HERC1: variants seen among roughly 807,000 people sequenced by gnomAD.
HERC1 encodes probable E3 ubiquitin-protein ligase HERC1.
In HERC1, 160 loss-of-function variants were observed where a neutral mutation model predicts 554.3. That is an observed-to-expected ratio of 0.29 (90% CI 0.25 to 0.33). HERC1 has a LOEUF of 0.33. Ranked by LOEUF, HERC1 falls within the 10% of genes least tolerant of loss-of-function variation. The pLI is 1.00. For synonymous variants in HERC1, 2,175 were observed against 2,131.7 expected, an observed-to-expected ratio of 1.02 and a Z score of -0.56; for missense variants, 4,919 against 5,918.5, an observed-to-expected ratio of 0.83 and a Z score of 5.54.
At position 63,624,259 on chromosome 15, in the gene HERC1, G is replaced by C. The variant is rs759720013; in HGVS notation, c.13344C>G (p.Ala4448=). Residue 4448 remains alanine, a synonymous_variant, in exon 72 of 78, where the codon GCC becomes GCG. Coordinates refer to ENST00000443617, the MANE Select transcript of HERC1 (RefSeq NM_003922.4). ...CCATTGGCAGAGTGTAGACTCTTGG[G>C]GCTAACAAAGGCCGAAGTTGTCCCT... The part of the protein sequence containing the change: ...IVQGQLRPLL[A]PRVYTLPMVR... 1 of 1,613,708 alleles carries C rather than the reference G, an allele frequency of 6.2e-7. No homozygotes were observed. Among genetic ancestry groups the C allele is most frequent in the Non-Finnish European group, 8.5e-7 (1 of 1,179,778 alleles).
chr15:63,708,299 C>G (rs1448662340), intron 24 of HERC1, among the ~76,000 whole-genome samples: 4 of 152,096 alleles, frequency 2.6e-5, no homozygotes, highest in African/African-American at 7.2e-5. Context: ...CTTTTAGACA[C>G]TGTGAATTAT....
Position 63,640,289 on chromosome 15 carries a change from T to C in HERC1, c.11764A>G (p.Asn3922Asp). 3.7e-6 allele frequency: 6 copies of C among 1,613,914 alleles called. No individual in the cohort carries two copies. Among genetic ancestry groups the C allele is most frequent in the Non-Finnish European group, 5.1e-6 (6 of 1,179,840 alleles). Reference protein sequence around the residue: ...CLPDPASWNPNEWAWLECFST... With the variant: ...CLPDPASWNPDEWAWLECFST... ...AAACATTCTAACCAGGCCCATTCAT[T>C]TGGATTCCAGGATGCAGGGTCAGGG... The change falls in exon 61 of 78, where the codon AAT becomes GAT. Residue 3922 changes from asparagine to aspartate, a missense_variant. Around this residue, in one of 11 missense-constraint regions of HERC1, gnomAD observed 1,963 missense variants for 2,228.6 expected, o/e 0.88. Transcript: ENST00000443617.
intron 12 of HERC1, among the ~76,000 whole-genome samples, chr15:63,737,546 TA>T (rs2074597763): frequency 1.7e-5 from 2 of 120,108 alleles, no homozygotes; most frequent in Admixed American, 1.7e-4. Context: ...TATATATATA[TA>T]TCTTTTTTTT....
chr15:63,788,709 G>A (rs1246765650), intron 1 of HERC1, among the ~76,000 whole-genome samples: 1 of 151,812 alleles, frequency 6.6e-6, no homozygotes, highest in Non-Finnish European at 1.5e-5. Context: ...CTGAGGTCAG[G>A]AGTTCGAGAC....
At chr15:63,737,835 G>T (rs2074615280) in intron 12 of HERC1, among the ~76,000 whole-genome samples, 2 of 152,038 alleles carry the variant, frequency 1.3e-5, no homozygotes, top group South Asian at 4.1e-4. Context: ...GAAGCACACT[G>T]ATTTTCTAAG....
chr15:63,654,997 C>G (rs984889945), intron 50 of HERC1, among the ~76,000 whole-genome samples: 1 of 152,134 alleles, frequency 6.6e-6, no homozygotes, highest in African/African-American at 2.4e-5. Context: ...AACAGTTTGG[C>G]TTTTGTTGCT....
intron 40 of HERC1, among the ~76,000 whole-genome samples, chr15:63,667,402 C>T (rs1404336567): frequency 1.3e-5 from 2 of 151,650 alleles, no homozygotes; most frequent in African/African-American, 2.4e-5. Flanking sequence ...GTGAAATAAA[C>T]ACGGAAGATG....
At chr15:63,652,276 C>G (rs1258059107) in intron 52 of HERC1, 138 bp downstream of exon 52, 2 of 576,652 alleles carry the variant, frequency 3.5e-6, no homozygotes, top group East Asian at 3.4e-5. Flanking sequence ...AAAATACACA[C>G]TGAAAATACA....
intron 55 of HERC1, among the ~76,000 whole-genome samples, chr15:63,647,402 G>C (rs1566970077): frequency 6.6e-6 from 1 of 151,944 alleles, no homozygotes; most frequent in Non-Finnish European, 1.5e-5. Context: ...CTGTTGGTTT[G>C]AATGTAAATT....
At position 63,718,125 on chromosome 15, in the gene HERC1, A is replaced by AC. The variant is rs1250060159; in HGVS notation, c.3978+448dup. Among the ~76,000 whole-genome samples, 6 of 57,042 alleles carry AC rather than the reference A, an allele frequency of 1.1e-4. No individual in the cohort carries two copies. The highest frequency in any genetic ancestry group is 6.9e-4 in the East Asian group (2 of 2,902). 37.4% of individuals were successfully genotyped at this position (57,042 alleles called of 152,430 possible). ...ACACACACACACACACACACACACA[A>AC]CCCCCTCCTTGGTTTTCACTTCTCT... On this transcript the variant is annotated intron_variant, in intron 21 of 77. Coordinates refer to ENST00000443617, the MANE Select transcript of HERC1 (RefSeq NM_003922.4). The surrounding 1 kb of genome is among the most constrained non-coding windows in gnomAD (Gnocchi z 4.2).
At chr15:63,753,595 T>G (rs1013870815) in intron 7 of HERC1, among the ~76,000 whole-genome samples, 1 of 152,042 alleles carries the variant, frequency 6.6e-6, no homozygotes, top group Non-Finnish European at 1.5e-5. Context: ...TAAAAAAAAG[T>G]ATAAATTAAA....
At chr15:63,698,067 T>C (rs1385065501) in intron 26 of HERC1, among the ~76,000 whole-genome samples, 1 of 152,144 alleles carries the variant, frequency 6.6e-6, no homozygotes, top group Non-Finnish European at 1.5e-5. Context: ...ATTATTTCTG[T>C]GAGGTTCTAA....
chr15:63,640,876 C>T (rs1383662876), intron 60 of HERC1, among the ~76,000 whole-genome samples: 1 of 152,184 alleles, frequency 6.6e-6, no homozygotes, highest in African/African-American at 2.4e-5. Context: ...CAGAGATCTG[C>T]TCTTCTCACT....
At chr15:63,772,906 T>TG (rs2075994749) in intron 2 of HERC1, among the ~76,000 whole-genome samples, 1 of 152,202 alleles carries the variant, frequency 6.6e-6, no homozygotes, top group Admixed American at 6.5e-5. Flanking sequence ...TTGTAAAACA[T>TG]GACCCAATAT....
rs748235245 is a variant in HERC1, at chr15:63,654,081, A to G, written c.10290+38T>C. ...AAGAGAAGAGACTATTTCATCTTAC[A>G]TAACGTGATTAACACACTTTCCACT... is the stretch of plus-strand genomic sequence containing the variant. On this transcript the variant is annotated intron_variant, in intron 51 of 77. Transcript: ENST00000443617. 6.7e-6 allele frequency: 10 copies of G among 1,499,132 alleles called. No individual in the cohort carries two copies. In the South Asian group the frequency reaches 9.0e-5, roughly 14 times the overall value. 92.9% of individuals were successfully genotyped at this position (1,499,132 alleles called of 1,614,324 possible). A position where few individuals can be genotyped will look rare whatever the true frequency, so the allele number is the denominator to read the frequency against.
intron 26 of HERC1, among the ~76,000 whole-genome samples, chr15:63,697,601 TC>T (rs2072496483): frequency 6.6e-6 from 1 of 151,938 alleles, no homozygotes; most frequent in African/African-American, 2.4e-5. Context: ...ATTACAGGCA[TC>T]CACCACCACG....
chr15:63,664,130 C>T (rs955971892), intron 43 of HERC1, among the ~76,000 whole-genome samples: 20 of 152,178 alleles, frequency 1.3e-4, no homozygotes, highest in African/African-American at 4.6e-4. Context: ...TTTCCAGCTC[C>T]TTCTTACCAC....
chr15:63,754,564 T>A lies in HERC1; in HGVS notation c.1715A>T (p.His572Leu), dbSNP rs552208139. ...CCCATCTTTAGACAGAGCAATAGTA[T>A]GTGAACTGCCACAAGAAACCTCTCC... is the stretch of plus-strand genomic sequence containing the variant. ...NVGEVSCGSS[H>L]TIALSKDGRT... is the part of the protein sequence containing the mutation. Residue 572 changes from histidine to leucine, a missense_variant, in exon 7 of 78, where the codon CAT (histidine) becomes CTT (leucine). His to Leu is a moderately conservative substitution (Grantham distance 99, BLOSUM62 -3). Around this residue, in one of 11 missense-constraint regions of HERC1, gnomAD observed 744 missense variants for 1,090.0 expected, o/e 0.68. Coordinates refer to ENST00000443617, the MANE Select transcript of HERC1 (RefSeq NM_003922.4). 1.9e-5 allele frequency: 31 copies of A among 1,613,546 alleles called. No individual in the cohort carries two copies. Among genetic ancestry groups the A allele is most frequent in the Non-Finnish European group, 2.5e-5 (30 of 1,179,650 alleles).
chr15:63,630,514 CA>C lies in HERC1; in HGVS notation c.12917del (p.Leu4306TrpfsTer20). On this transcript the variant is annotated frameshift_variant, in exon 69 of 78. Coordinates refer to ENST00000443617, the MANE Select transcript of HERC1 (RefSeq NM_003922.4). LOFTEE classifies it high-confidence loss of function. Reference sequence around the variant, plus strand: ...AGGCATACACATCTCCATTTGATGCCAAAGCAAGTGTGTGTTCAGCTCCAAC... The same window carrying C: ...AGGCATACACATCTCCATTTGATGCCAAGCAAGTGTGTGTTCAGCTCCAAC... The part of the protein sequence containing the change: ...VAVGAEHTLA[L>X]ASNGDVYAWG... The C allele has an allele frequency of 6.2e-7, 1 of 1,613,844 alleles. No individual in the cohort carries two copies. Among genetic ancestry groups the C allele is most frequent in the Non-Finnish European group, 8.5e-7 (1 of 1,179,848 alleles).
Sources: allele counts gnomAD v4.1 joint callset (sites outside exome capture counted in the v4.1 genomes callset), GRCh38; gene constraint gnomAD v4.1.1; regional missense constraint gnomAD v4.1.1; non-coding constraint Gnocchi (gnomAD v3.1); transcripts MANE v1.5; gene names NCBI Gene and HGNC (gene_info 2026-07-23, HGNC 2026-07-21).